The following CFAP92 variants were observed in gnomAD, a reference collection of about 807,000 sequenced individuals.
CFAP92 encodes the protein cilia and flagella associated protein 92 (putative).
Under a neutral mutation model 106.3 loss-of-function variants are expected in CFAP92, and 86 were observed. That is an observed-to-expected ratio of 0.81 (90% CI 0.68 to 0.97). The LOEUF is 0.97. CFAP92 is among the 50% of genes least tolerant of loss of function. CFAP92 has a pLI of 0.00. For synonymous variants in CFAP92, 477 were observed against 506.4 expected (o/e 0.94, Z 0.78); for missense variants, 1,204 against 1,283.8 (o/e 0.94, Z 0.95).
At chr3:128,958,513 C>G (rs1941622588) in intron 9 of CFAP92, among the ~76,000 whole-genome samples, 1 of 152,206 alleles carries the variant, frequency 6.6e-6, no homozygotes, top group South Asian at 2.1e-4. Context: ...CATGGGACCT[C>G]TCTGTACTGT....
In CFAP92 at chr3:128,965,528, G is replaced by A. The variant is rs1942301070; in HGVS notation, c.1336C>T (p.Pro446Ser). Residue 446 changes from proline (P) to serine (S), a missense_variant, in exon 9 of 16, where the codon CCC (proline) becomes TCC (serine). Transcript: ENST00000645291. ...CASCLPSQPV[P>S]IQELERLCMP... ...ATTCTTACCTCTAGTTCCTGAATGG[G>A]TACAGGCTGTGATGGAAGGCAGGAA... 2.5e-6 allele frequency: 1 copy of A among 398,998 alleles called. No individual in the cohort carries two copies. The highest frequency in any genetic ancestry group is 4.4e-6 in the Non-Finnish European group (1 of 226,074). 24.7% of individuals were successfully genotyped at this position (398,998 alleles called of 1,614,324 possible). A position where few individuals can be genotyped will look rare whatever the true frequency, so the allele number is the denominator to read the frequency against.
At position 129,001,877 on chromosome 3, in the gene CFAP92, C is replaced by T. The variant is rs755811461; in HGVS notation, n.117+697G>A. On this transcript the variant is annotated intron_variant and non_coding_transcript_variant, in intron 1 of 4. Transcript: ENST00000510149. ...CCCGCGCCGACTTCCGAGCGCTCTG[C>T]GCTGTGCTGGGGCTGCGCGCGGAGG... 5.3e-4 allele frequency: 813 copies of T among 1,545,636 alleles called. 6 individuals are homozygous for T. Among genetic ancestry groups the T allele is most frequent in the Non-Finnish European group, 2.3e-5 (26 of 1,145,142 alleles).
intron 10 of CFAP92, among the ~76,000 whole-genome samples, chr3:128,939,521 A>C (rs1239738858): frequency 2.0e-5 from 3 of 152,048 alleles, no homozygotes; most frequent in Non-Finnish European, 4.4e-5. Context: ...TTTTTCATCT[A>C]TTTAGTGCAA....
chr3:129,001,854 C>T (rs1187748863), intron 1 of CFAP92: 2 of 1,546,198 alleles, frequency 1.3e-6, no homozygotes, highest in East Asian at 2.5e-5. Context: ...CCGTCTGCCC[C>T]GCGCCGACTT....
intron 1 of CFAP92, among the ~76,000 whole-genome samples, chr3:128,999,865 C>T (rs1297856571): frequency 1.3e-5 from 2 of 152,148 alleles, no homozygotes; most frequent in Admixed American, 6.5e-5. Flanking sequence ...CACATGAGAA[C>T]ATCTTAACAA....
At chr3:128,972,869 A>AG (rs1942902152) in intron 7 of CFAP92, among the ~76,000 whole-genome samples, 1 of 151,872 alleles carries the variant, frequency 6.6e-6, no homozygotes, top group East Asian at 1.9e-4. Flanking sequence ...AAAAAAAAAA[A>AG]AAAAGATAGA....
the CFAP92 span, among the ~76,000 whole-genome samples, chr3:129,021,451 G>A: frequency 6.6e-6 from 1 of 152,202 alleles, no homozygotes; most frequent in Non-Finnish European, 1.5e-5. Flanking sequence ...TGCCTGGCCT[G>A]TAGTCCCAGC....
At chr3:128,967,487 A>T (rs1942462513) in intron 8 of CFAP92, 1 of 152,240 alleles carries the variant, frequency 6.6e-6, no homozygotes, top group African/African-American at 2.4e-5. Flanking sequence ...GGATCACCTG[A>T]AGTCGGGAGT....
intron 9 of CFAP92, among the ~76,000 whole-genome samples, chr3:128,956,681 G>GT (rs1941451023): frequency 1.3e-5 from 2 of 151,674 alleles, no homozygotes; most frequent in African/African-American, 4.8e-5. Context: ...TTTTTCAAGT[G>GT]TTAAAAAAAA....
At position 128,975,787 on chromosome 3, in the gene CFAP92, C is replaced by A; in HGVS notation, c.1013G>T (p.Arg338Met). Residue 338 changes from arginine to methionine, a missense_variant, in exon 7 of 16, where the codon AGG becomes ATG. Transcript: ENST00000645291. Reference sequence around the variant, plus strand: ...ATCCTATCCTAACTTACTTTGAGACCTTTGTCTGTCTAATATGTTTGTTAA... The same window carrying A: ...ATCCTATCCTAACTTACTTTGAGACATTTGTCTGTCTAATATGTTTGTTAA... The part of the protein sequence containing the change: ...SSLTNILDRQ[R>M]SQIKGKDSEG... 1 of 1,591,224 alleles carries A rather than the reference C, an allele frequency of 6.3e-7. No homozygotes were observed. The highest frequency in any genetic ancestry group is 8.6e-7 in the Non-Finnish European group (1 of 1,169,476).
intron 9 of CFAP92, among the ~76,000 whole-genome samples, chr3:128,959,028 T>C (rs1941663788): frequency 6.6e-6 from 1 of 152,006 alleles, no homozygotes; most frequent in African/African-American, 2.4e-5. Flanking sequence ...TTGACCAACA[T>C]GGAGAAACCC....
intron 4 of CFAP92, among the ~76,000 whole-genome samples, chr3:128,986,665 G>A (rs1248515490): frequency 1.3e-5 from 2 of 152,156 alleles, no homozygotes; most frequent in East Asian, 1.9e-4. Flanking sequence ...GGTAGACCAC[G>A]CCGGTCAACC....
chr3:128,924,092 G>A (rs1559854917), intron 12 of CFAP92, among the ~76,000 whole-genome samples: 1 of 152,300 alleles, frequency 6.6e-6, no homozygotes, highest in East Asian at 1.9e-4. Context: ...GATAGCTGTG[G>A]CGGTTTTACA....
At chr3:128,917,253 T>C (rs934722331) in intron 12 of CFAP92, among the ~76,000 whole-genome samples, 1 of 152,232 alleles carries the variant, frequency 6.6e-6, no homozygotes, top group Non-Finnish European at 1.5e-5. Flanking sequence ...GTTTTTCTAG[T>C]TGTCCTTAGT....
intron 12 of CFAP92, among the ~76,000 whole-genome samples, chr3:128,923,107 C>T (rs183893893): frequency 1.3e-5 from 2 of 152,310 alleles, no homozygotes; most frequent in African/African-American, 2.4e-5. Flanking sequence ...GCTTCTGTTT[C>T]GCTAGATTTA....
Position 128,987,780 on chromosome 3 carries a change from T to C in CFAP92, c.503A>G (p.Gln168Arg). Residue 168 changes from glutamine to arginine, a missense_variant, in exon 4 of 16, where the codon CAG becomes CGG. Physicochemically the swap from Gln to Arg is conservative, Grantham distance 43. Transcript: ENST00000645291. Reference protein sequence around the residue: ...EGDKAWVSWEQTFNITVTKEL... With the variant: ...EGDKAWVSWERTFNITVTKEL... ...CTTTGTCACAGTGATATTAAAAGTCTGCTCCCACGACACCCAGGCTTTGTC... is the reference window on the plus strand; with the variant it reads ...CTTTGTCACAGTGATATTAAAAGTCCGCTCCCACGACACCCAGGCTTTGTC... The C allele has an allele frequency of 6.2e-7, 1 of 1,613,746 alleles. No homozygotes were observed. Among genetic ancestry groups the C allele is most frequent in the Non-Finnish European group, 8.5e-7 (1 of 1,179,728 alleles).
At chr3:128,953,469 C>T (rs923167079) in intron 9 of CFAP92, among the ~76,000 whole-genome samples, 1 of 152,104 alleles carries the variant, frequency 6.6e-6, no homozygotes. Context: ...GAGCCAAGAT[C>T]ACGCCACTGC....
intron 4 of CFAP92, among the ~76,000 whole-genome samples, chr3:128,979,013 C>A (rs1384189031): frequency 6.6e-6 from 1 of 152,188 alleles, no homozygotes; most frequent in African/African-American, 2.4e-5. Context: ...TCAGAGTGAA[C>A]AGGCAACAGA....
intron 12 of CFAP92, among the ~76,000 whole-genome samples, chr3:128,926,991 G>T (rs1937725369): frequency 6.6e-6 from 1 of 152,118 alleles, no homozygotes; most frequent in Non-Finnish European, 1.5e-5. Flanking sequence ...CTACTTGAGA[G>T]GCTGAGGCAG....
Sources: gnomAD v4.1 joint callset for allele counts (sites outside exome capture counted in the v4.1 genomes callset) on GRCh38, gnomAD v4.1.1 for gene constraint, MANE v1.5 for transcripts, NCBI Gene and HGNC (gene_info 2026-07-23, HGNC 2026-07-21) for gene names.